The following TRIM44 variants were observed in gnomAD, a reference collection of about 807,000 sequenced individuals.
TRIM44 encodes the protein tripartite motif-containing protein 44.
Under a neutral mutation model 37.4 loss-of-function variants are expected in TRIM44, and 13 were observed. The observed-to-expected ratio is 0.35, with a 90% CI of 0.23 to 0.55. The LOEUF (loss-of-function observed/expected upper bound fraction) is 0.55. Ranked by LOEUF, TRIM44 falls within the 20% of genes least tolerant of loss-of-function variation. The probability of loss-of-function intolerance (pLI) is 0.89; values close to 1 mark genes in which losing one functional copy is unlikely to be tolerated. For synonymous variants in TRIM44, 175 were observed against 157.2 expected (o/e 1.11, Z -0.85); for missense variants, 426 against 437.2 (o/e 0.97, Z 0.23).
At chr11:35,783,390 T>A (rs1440781997) in intron 4 of TRIM44, among the ~76,000 whole-genome samples, 1 of 152,210 alleles carries the variant, frequency 6.6e-6, no homozygotes, top group Non-Finnish European at 1.5e-5. Context: ...ATACCCCTGT[T>A]ACTTCTTTTA....
In TRIM44 at chr11:35,775,698, A is replaced by G. The variant is rs375329185; in HGVS notation, c.1008-30660A>G. Among the ~76,000 whole-genome samples the G allele has an allele frequency of 1.1e-4, 17 of 152,258 alleles. No homozygotes were observed. In the East Asian group the frequency reaches 3.1e-3, roughly 28 times the overall value. The stretch of plus-strand genomic sequence containing the variant: ...GCATAAAGTGCTGTTGAATTTTGTC[A>G]AAGGCCTTTTCTGCATCTATTGAGA... On this transcript the variant is annotated intron_variant, in intron 4 of 4. Coordinates refer to ENST00000299413, the MANE Select transcript of TRIM44 (RefSeq NM_017583.6).
intron 4 of TRIM44, among the ~76,000 whole-genome samples, chr11:35,755,727 A>G (rs547976821): frequency 2.8e-4 from 42 of 152,228 alleles, no homozygotes; most frequent in African/African-American, 9.1e-4. Context: ...ACATATGGCT[A>G]TCCAGTTTTC....
Position 35,663,414 on chromosome 11 carries a change from G to T in TRIM44, c.303G>T (p.Ser101=). Residue 101 remains serine (S), a synonymous_variant, in exon 1 of 5, where the codon TCG becomes TCT. Transcript: ENST00000299413. ...IESEAGEESE[S]EEESESEEES... ...GCGAGGCAGGGGAAGAGAGTGAGTC[G>T]GAGGAAGAGAGCGAGTCAGAGGAAG... The T allele has an allele frequency of 6.3e-7, 1 of 1,584,054 alleles. No individual in the cohort carries two copies. The highest frequency in any genetic ancestry group is 8.6e-7 in the Non-Finnish European group (1 of 1,163,766).
chr11:35,794,899 A>G (rs1321072523), intron 4 of TRIM44, among the ~76,000 whole-genome samples: 2 of 152,250 alleles, frequency 1.3e-5, no homozygotes, highest in East Asian at 1.9e-4. Context: ...TGCCACCACA[A>G]AATAATTTTA....
At chr11:35,723,890 G>A (rs1225292699) in intron 2 of TRIM44, among the ~76,000 whole-genome samples, 1 of 152,176 alleles carries the variant, frequency 6.6e-6, no homozygotes, top group Non-Finnish European at 1.5e-5. Context: ...TTCAGGAGTA[G>A]AGATCCATTG....
chr11:35,706,545 A>G (rs1300975446), intron 2 of TRIM44, among the ~76,000 whole-genome samples: 2 of 152,224 alleles, frequency 1.3e-5, no homozygotes, highest in Non-Finnish European at 2.9e-5. Flanking sequence ...CCAGCAGCAC[A>G]TCAAAAAGCT....
At chr11:35,699,956 A>G (rs1306264290) in intron 2 of TRIM44, among the ~76,000 whole-genome samples, 5 of 152,304 alleles carry the variant, frequency 3.3e-5, no homozygotes, top group African/African-American at 4.8e-5. Flanking sequence ...AAGAGGATAC[A>G]AAGAAATGGA....
intron 4 of TRIM44, among the ~76,000 whole-genome samples, chr11:35,794,534 G>A (rs1440963861): frequency 1.3e-5 from 2 of 152,154 alleles, no homozygotes; most frequent in African/African-American, 2.4e-5. Context: ...TTACTCATAC[G>A]GCTTCCAGTA....
In TRIM44 at chr11:35,663,030, G is replaced by A. The variant is rs1176115749; in HGVS notation, c.-82G>A. Reference sequence around the variant, plus strand: ...GCGACTCCCTAGGAAGGGACCCGGGGCGGGAGGAGGAAGTGAGGCCGCGCG... The same window carrying A: ...GCGACTCCCTAGGAAGGGACCCGGGACGGGAGGAGGAAGTGAGGCCGCGCG... On this transcript the variant is annotated 5_prime_UTR_variant, in exon 1 of 5. Coordinates refer to ENST00000299413, the MANE Select transcript of TRIM44 (RefSeq NM_017583.6). 5 of 1,437,686 alleles carry A rather than the reference G, an allele frequency of 3.5e-6. No individual in the cohort carries two copies. The Admixed American group carries it at 8.4e-5, about 24-fold the overall frequency. The allele number at this position is 1,437,686 out of a possible 1,614,324, so 89.1% of individuals were successfully genotyped here. A position where few individuals can be genotyped will look rare whatever the true frequency, so the allele number is the denominator to read the frequency against.
intron 2 of TRIM44, among the ~76,000 whole-genome samples, chr11:35,715,514 A>G (rs1852029928): frequency 6.6e-6 from 1 of 151,976 alleles, no homozygotes; most frequent in African/African-American, 2.4e-5. Context: ...GCAATTCAGA[A>G]GAAGCATAGG....
chr11:35,801,697 C>T (rs968423606), intron 4 of TRIM44, among the ~76,000 whole-genome samples: 1 of 152,068 alleles, frequency 6.6e-6, no homozygotes, highest in Admixed American at 6.6e-5. Context: ...TCACAGGCAC[C>T]ACATCAGACA....
At position 35,663,539 on chromosome 11, in the gene TRIM44, A is replaced by T; in HGVS notation, c.428A>T (p.Glu143Val). The change falls in exon 1 of 5, where the codon GAA (glutamate) becomes GTA (valine). Residue 143 changes from glutamate to valine, a missense_variant. This residue lies in a region of TRIM44 where 331 missense variants were observed against 303.0 expected (regional missense o/e 1.09). Transcript: ENST00000299413. ...GATGAGCAAGAAAGCGAGGCCGAAG[A>T]AGACAACCAAGAAGAAGGGGAATCC... The part of the protein sequence containing the change: ...MEDEQESEAE[E>V]DNQEEGESEA... The T allele has an allele frequency of 6.2e-7, 1 of 1,612,168 alleles. No individual in the cohort carries two copies. The highest frequency in any genetic ancestry group is 8.5e-7 in the Non-Finnish European group (1 of 1,178,990).
intron 4 of TRIM44, among the ~76,000 whole-genome samples, chr11:35,770,372 G>T (rs542953806): frequency 6.6e-6 from 1 of 152,136 alleles, no homozygotes; most frequent in South Asian, 2.1e-4. Context: ...AACTAAGAGC[G>T]CATGTAACTT....
At chr11:35,692,394 G>A (rs2135494653) in intron 2 of TRIM44, among the ~76,000 whole-genome samples, 1 of 152,246 alleles carries the variant, frequency 6.6e-6, no homozygotes, top group Non-Finnish European at 1.5e-5. Flanking sequence ...GCATAAAATG[G>A]TATTATAGAT....
At chr11:35,680,317 T>C (rs1851508307) in intron 1 of TRIM44, among the ~76,000 whole-genome samples, 1 of 152,218 alleles carries the variant, frequency 6.6e-6, no homozygotes, top group Admixed American at 6.5e-5. Flanking sequence ...TATTTAACTC[T>C]AAAATCCTTC....
chr11:35,684,904 G>A (rs764532556), intron 1 of TRIM44, among the ~76,000 whole-genome samples: 7 of 152,088 alleles, frequency 4.6e-5, no homozygotes, highest in Non-Finnish European at 7.4e-5. Context: ...GATGCATAAA[G>A]GTTCAAAATA....
chr11:35,697,082 A>G (rs1206414906), intron 2 of TRIM44, among the ~76,000 whole-genome samples: 2 of 151,220 alleles, frequency 1.3e-5, no homozygotes, highest in Admixed American at 1.3e-4. Flanking sequence ...TTTTTATTAT[A>G]CTTTAAATTT....
chr11:35,760,262 G>A (rs1316773267), intron 4 of TRIM44, among the ~76,000 whole-genome samples: 1 of 152,146 alleles, frequency 6.6e-6, no homozygotes, highest in East Asian at 1.9e-4. Context: ...AGCAATCAGC[G>A]AGGCTCCGTG....
At chr11:35,688,823 T>C (rs943327358) in intron 2 of TRIM44, among the ~76,000 whole-genome samples, 1 of 152,228 alleles carries the variant, frequency 6.6e-6, no homozygotes, top group Admixed American at 6.5e-5. Flanking sequence ...TCTATGAAAT[T>C]ATCAGGTGAT....
Sources: allele counts gnomAD v4.1 joint callset (sites outside exome capture counted in the v4.1 genomes callset), GRCh38; gene constraint gnomAD v4.1.1; regional missense constraint gnomAD v4.1.1; transcripts MANE v1.5; gene names NCBI Gene and HGNC (gene_info 2026-07-23, HGNC 2026-07-21).